CDS2: variants seen among roughly 807,000 people sequenced by gnomAD.
CDS2 encodes CDP-diacylglycerol synthase 2.
CDS2 carries 47 observed loss-of-function variants against 59.0 expected under a neutral mutation model. The ratio of observed to expected loss-of-function variants is 0.80; its 90% confidence interval spans 0.63 to 1.02. CDS2 has a LOEUF of 1.02. Ranked by LOEUF, CDS2 falls within the 50% of genes least tolerant of loss-of-function variation. The pLI, the probability that CDS2 is intolerant of heterozygous loss-of-function variation, is 0.00. For missense variants in CDS2, 356 were observed against 558.9 expected, an observed-to-expected ratio of 0.64 and a Z score of 3.66; for synonymous variants, 207 against 206.4, an observed-to-expected ratio of 1.00 and a Z score of -0.02.
intron 1 of CDS2, among the ~76,000 whole-genome samples, chr20:5,137,519 A>T (rs2090658074): frequency 6.6e-6 from 1 of 152,026 alleles, no homozygotes; most frequent in African/African-American, 2.4e-5. Context: ...CTGAGATTAC[A>T]GACATGAGCC....
chr20:5,170,534 C>T (rs1364615699), intron 1 of CDS2, among the ~76,000 whole-genome samples: 1 of 152,220 alleles, frequency 6.6e-6, no homozygotes, highest in Non-Finnish European at 1.5e-5. Context: ...GCTGACCTGT[C>T]CCCCTCCTCC....
At chr20:5,182,917 C>T in intron 6 of CDS2, 144 bp from the exon 7 acceptor site, 1 of 667,606 alleles carries the variant, frequency 1.5e-6, no homozygotes, top group Non-Finnish European at 2.6e-6. Context: ...CCTGATCTTA[C>T]CTGTTCACTT....
At chr20:5,143,529 A>C (rs1174758050) in intron 1 of CDS2, among the ~76,000 whole-genome samples, 1 of 152,190 alleles carries the variant, frequency 6.6e-6, no homozygotes, top group Non-Finnish European at 1.5e-5. Context: ...CAAACTTCAA[A>C]CAATCCAAAT....
rs1045794183 is a variant in CDS2, at chr20:5,157,035, C to T, written c.58-16488C>T. 2.6e-5 allele frequency among the ~76,000 whole-genome samples: 4 copies of T among 152,050 alleles called. No individual in the cohort carries two copies. The South Asian group carries it at 8.3e-4, about 32-fold the overall frequency. On this transcript the variant is annotated intron_variant, in intron 1 of 12. Transcript: ENST00000460006. ...AGTACTCCAAAGCAAAATAAAGGGACCATTACTGCACAGAGTGGAACAAAG... is the reference window on the plus strand; with the variant it reads ...AGTACTCCAAAGCAAAATAAAGGGATCATTACTGCACAGAGTGGAACAAAG...
At chr20:5,176,781 T>C in intron 4 of CDS2, 36 bp downstream of exon 4, 1 of 1,436,140 alleles carries the variant, frequency 7.0e-7, no homozygotes, top group Non-Finnish European at 9.8e-7. Flanking sequence ...TTTTAGAATT[T>C]GGATGATGTG....
intron 4 of CDS2, 102 bp from the exon 5 acceptor site, chr20:5,178,715 G>A: frequency 1.7e-6 from 2 of 1,189,884 alleles, no homozygotes; most frequent in South Asian, 2.7e-5. Context: ...CTCAAGGGTG[G>A]GGGGTATTCT....
At chr20:5,147,752 G>A (rs2090755849) in intron 1 of CDS2, among the ~76,000 whole-genome samples, 1 of 151,452 alleles carries the variant, frequency 6.6e-6, no homozygotes, top group African/African-American at 2.4e-5. Flanking sequence ...TTTGGTGACA[G>A]AGTCTTGCCA....
At chr20:5,131,009 C>T (rs960981007) in intron 1 of CDS2, among the ~76,000 whole-genome samples, 4 of 149,708 alleles carry the variant, frequency 2.7e-5, no homozygotes, top group African/African-American at 7.4e-5. Context: ...AGGAGAATGG[C>T]GTGAACCTGG....
At chr20:5,180,433 G>A (rs1338223271) in intron 5 of CDS2, among the ~76,000 whole-genome samples, 1 of 151,976 alleles carries the variant, frequency 6.6e-6, no homozygotes, top group Non-Finnish European at 1.5e-5. Flanking sequence ...GCTAAACAAA[G>A]GGTGGATTAT....
At chr20:5,171,516 G>A (rs1056846432) in intron 1 of CDS2, among the ~76,000 whole-genome samples, 6 of 152,148 alleles carry the variant, frequency 3.9e-5, no homozygotes, top group Non-Finnish European at 7.3e-5. Flanking sequence ...CTTGTAACTC[G>A]CAATGATTAC....
intron 1 of CDS2, among the ~76,000 whole-genome samples, chr20:5,150,830 G>A (rs1184141151): frequency 6.6e-6 from 1 of 152,214 alleles, no homozygotes; most frequent in East Asian, 1.9e-4. Context: ...CTGGAGTCAG[G>A]TTCTTTGTCT....
At chr20:5,165,543 C>CTTTTTTTG (rs1294838217) in intron 1 of CDS2, among the ~76,000 whole-genome samples, 1 of 120,274 alleles carries the variant, frequency 8.3e-6, no homozygotes, top group African/African-American at 3.1e-5. Context: ...GGGAAGCCGT[C>CTTTTTTTG]TTTTTTTGTT....
intron 1 of CDS2, among the ~76,000 whole-genome samples, chr20:5,152,599 C>T (rs1390205262): frequency 1.3e-5 from 2 of 152,086 alleles, no homozygotes; most frequent in South Asian, 4.1e-4. Flanking sequence ...AAAAATTAGC[C>T]AGGCATGGTG....
chr20:5,168,419 A>C (rs6116672), intron 1 of CDS2, among the ~76,000 whole-genome samples: 39,439 of 137,862 alleles, frequency 0.29, 4,962 homozygotes, highest in South Asian at 0.36. Flanking sequence ...TGTCCCCCCA[A>C]AAAAAAAAAA....
intron 1 of CDS2, among the ~76,000 whole-genome samples, chr20:5,162,304 A>G (rs947257828): frequency 2.0e-5 from 3 of 152,180 alleles, no homozygotes; most frequent in Non-Finnish European, 4.4e-5. Context: ...CTGATTAGGG[A>G]TGCTCAGCCA....
chr20:5,175,472 T>G, intron 3 of CDS2, 193 bp downstream of exon 3: 1 of 528,182 alleles, frequency 1.9e-6, no homozygotes, highest in South Asian at 2.1e-5. Flanking sequence ...GTAGGCTGGT[T>G]GTTTATGGTT....
rs1268922204 is a variant in CDS2, at chr20:5,186,682, C to T, written c.829-5C>T. 1 of 1,613,824 alleles carries T rather than the reference C, an allele frequency of 6.2e-7. No individual in the cohort carries two copies. The highest frequency in any genetic ancestry group is 2.2e-5 in the East Asian group (1 of 44,892). Reference sequence around the variant, plus strand: ...CTTGCCGGTCTCTCTGTTATTCCTCCTCAGCTGTCCTATGTGATGTCCGGG... The same window carrying T: ...CTTGCCGGTCTCTCTGTTATTCCTCTTCAGCTGTCCTATGTGATGTCCGGG... On this transcript the variant is annotated splice_polypyrimidine_tract_variant and splice_region_variant and intron_variant, in intron 9 of 12. Coordinates refer to ENST00000460006, the MANE Select transcript of CDS2 (RefSeq NM_003818.4).
chr20:5,185,748 C>G lies in CDS2; in HGVS notation c.760-10C>G. 2.5e-6 allele frequency: 4 copies of G among 1,613,784 alleles called. No homozygotes were observed. The South Asian group carries it at 4.4e-5, about 18-fold the overall frequency. The stretch of plus-strand genomic sequence containing the variant: ...ACACCCTTTGCTGAGAACTTGCTCT[C>G]TGTCCACAGCTGTCCCCGAAGAAGA... On this transcript the variant is annotated splice_polypyrimidine_tract_variant and intron_variant, in intron 8 of 12. Coordinates refer to ENST00000460006, the MANE Select transcript of CDS2 (RefSeq NM_003818.4).
chr20:5,182,520 A>G, intron 6 of CDS2, 75 bp downstream of exon 6: 1 of 1,343,578 alleles, frequency 7.4e-7, no homozygotes, highest in Non-Finnish European at 1.1e-6. Context: ...CAAGCCTTTC[A>G]TGCTTTCTGT....
Sources: allele counts gnomAD v4.1 joint callset (sites outside exome capture counted in the v4.1 genomes callset), GRCh38; gene constraint gnomAD v4.1.1; transcripts MANE v1.5; gene names NCBI Gene and HGNC (gene_info 2026-07-23, HGNC 2026-07-21).